The following ENTHD1 variants were observed in gnomAD, a reference collection of about 807,000 sequenced individuals.
ENTHD1 encodes ENTH domain-containing protein 1.
Under a neutral mutation model 39.1 loss-of-function variants are expected in ENTHD1, and 23 were observed. The ratio of observed to expected loss-of-function variants is 0.59; its 90% CI spans 0.42 to 0.83. The LOEUF (loss-of-function observed/expected upper bound fraction) is 0.83, where lower values mean the gene tolerates loss of function less well. Ranked by LOEUF, ENTHD1 falls within the 40% of genes least tolerant of loss-of-function variation. The pLI is 0.00. For missense variants in ENTHD1, 624 were observed against 705.4 expected (o/e 0.88, Z 1.31); for synonymous variants, 230 against 258.2 (o/e 0.89, Z 1.05).
intron 2 of ENTHD1, among the ~76,000 whole-genome samples, chr22:39,862,530 G>A (rs1448367160): frequency 2.8e-5 from 4 of 140,448 alleles, no homozygotes; most frequent in Non-Finnish European, 6.0e-5. Context: ...CTTGGCAAGA[G>A]AGCGAGACTC....
At chr22:39,884,847 T>C in intron 2 of ENTHD1, among the ~76,000 whole-genome samples, 1 of 152,150 alleles carries the variant, frequency 6.6e-6, no homozygotes, top group East Asian at 1.9e-4. Flanking sequence ...CACAAATTAA[T>C]TCAAAAAGGA....
intron 2 of ENTHD1, among the ~76,000 whole-genome samples, chr22:39,865,686 AAC>A (rs2066176681): frequency 6.6e-6 from 1 of 152,234 alleles, no homozygotes; most frequent in South Asian, 2.1e-4. Context: ...TATTACATAA[AAC>A]ACATCAAGAT....
intron 4 of ENTHD1, among the ~76,000 whole-genome samples, chr22:39,832,146 C>T (rs1395198626): frequency 3.3e-5 from 5 of 152,044 alleles, no homozygotes; most frequent in East Asian, 3.9e-4. Context: ...AGTAAGACCT[C>T]GTCTCTACAA....
chr22:39,775,306 A>G (rs945888374), intron 5 of ENTHD1, among the ~76,000 whole-genome samples: 17 of 152,190 alleles, frequency 1.1e-4, no homozygotes, highest in Admixed American at 7.2e-4. Flanking sequence ...TGTTTAACCC[A>G]TAGGCAACTA....
At chr22:39,872,453 AT>A (rs2066251774) in intron 2 of ENTHD1, among the ~76,000 whole-genome samples, 1 of 152,128 alleles carries the variant, frequency 6.6e-6, no homozygotes, top group South Asian at 2.1e-4. Flanking sequence ...CAAATACTTG[AT>A]GTTTTCTCTC....
chr22:39,821,622 T>G (rs536259686), intron 4 of ENTHD1, among the ~76,000 whole-genome samples: 1 of 152,346 alleles, frequency 6.6e-6, no homozygotes, highest in African/African-American at 2.4e-5. Flanking sequence ...CCTGTTTCAC[T>G]TTGAAGCAAA....
At chr22:39,851,158 G>A (rs1330395833) in intron 3 of ENTHD1, among the ~76,000 whole-genome samples, 6 of 152,100 alleles carry the variant, frequency 3.9e-5, no homozygotes, top group South Asian at 2.1e-4. Context: ...TGTCACTGTC[G>A]TCAGGCTTCT....
intron 4 of ENTHD1, among the ~76,000 whole-genome samples, chr22:39,831,653 C>T (rs1366368860): frequency 2.0e-5 from 3 of 151,826 alleles, no homozygotes; most frequent in African/African-American, 2.4e-5. Flanking sequence ...GGTGAAACCC[C>T]ATCTCTACTA....
chr22:39,861,779 C>A lies in ENTHD1; in HGVS notation c.578G>T (p.Arg193Met). The part of the protein sequence containing the change: ...EKKYKLPKFG[R>M]LHNKRNVCKA... Reference sequence around the variant, plus strand: ...ATTATACGTACTTTTATTATGTAACCTTCCAAACTTAGGAAGCTTATACTT... The same window carrying A: ...ATTATACGTACTTTTATTATGTAACATTCCAAACTTAGGAAGCTTATACTT... The change falls in exon 3 of 7, where the codon AGG (arginine) becomes ATG (methionine). Residue 193 changes from arginine (R) to methionine (M), a missense_variant. Coordinates refer to ENST00000325157, the MANE Select transcript of ENTHD1 (RefSeq NM_152512.4). 1 of 1,552,964 alleles carries A rather than the reference C, an allele frequency of 6.4e-7. No individual in the cohort carries two copies. Among genetic ancestry groups the A allele is most frequent in the African/African-American group, 1.3e-5 (1 of 74,366 alleles).
intron 2 of ENTHD1, among the ~76,000 whole-genome samples, chr22:39,866,972 G>A (rs1348645535): frequency 1.3e-5 from 2 of 151,564 alleles, no homozygotes; most frequent in Non-Finnish European, 2.9e-5. Context: ...GCACGATCTC[G>A]GCCCACCGCC....
At chr22:39,866,351 A>C (rs1303811213) in intron 2 of ENTHD1, among the ~76,000 whole-genome samples, 1 of 152,242 alleles carries the variant, frequency 6.6e-6, no homozygotes, top group Non-Finnish European at 1.5e-5. Flanking sequence ...TGGGGGTGCA[A>C]GTCAGAAAAA....
chr22:39,841,803 C>T (rs1409257971), intron 3 of ENTHD1, among the ~76,000 whole-genome samples: 2 of 152,144 alleles, frequency 1.3e-5, no homozygotes, highest in South Asian at 2.1e-4. Context: ...TTATTTTGCT[C>T]GTTAGTTGAT....
chr22:39,799,250 G>T (rs986883159), intron 5 of ENTHD1, among the ~76,000 whole-genome samples: 2 of 152,176 alleles, frequency 1.3e-5, no homozygotes, highest in Admixed American at 6.5e-5. Context: ...GGAGGGGAGG[G>T]TGTGCTCACA....
At chr22:39,794,165 G>A (rs1014720922) in intron 5 of ENTHD1, among the ~76,000 whole-genome samples, 1 of 152,016 alleles carries the variant, frequency 6.6e-6, no homozygotes, top group Non-Finnish European at 1.5e-5. Flanking sequence ...TCCTTGTAGA[G>A]GTTTTTCACC....
chr22:39,766,019 C>CAAAAAAAAAAAAAAAAAAAAAAAA (rs11367784), intron 5 of ENTHD1, among the ~76,000 whole-genome samples: 45 of 48,356 alleles, frequency 9.3e-4, no homozygotes, highest in East Asian at 1.5e-3. Flanking sequence ...CCCTCAGCTA[C>CAAAAAAAAAAAAAAAAAAAAAAAA]AAAAAAAAAA....
Position 39,805,839 on chromosome 22 carries a change from C to T in ENTHD1, c.832+15154G>A, listed in dbSNP as rs1452035978. ...TTTTTGAATTACAGACATATAGCTA[C>T]TCCTTTGGGCACACTTGAGGTCATG... On this transcript the variant is annotated intron_variant, in intron 5 of 6. Coordinates refer to ENST00000325157, the MANE Select transcript of ENTHD1 (RefSeq NM_152512.4). Among the ~76,000 whole-genome samples, 2 of 152,054 alleles carry T rather than the reference C, an allele frequency of 1.3e-5. 1 individual carries two copies. The highest frequency in any genetic ancestry group is 2.9e-5 in the Non-Finnish European group (2 of 68,010).
At chr22:39,857,742 A>G (rs2146717746) in intron 3 of ENTHD1, among the ~76,000 whole-genome samples, 1 of 152,322 alleles carries the variant, frequency 6.6e-6, no homozygotes, top group South Asian at 2.1e-4. Flanking sequence ...TTTGTTTCCC[A>G]GTGCATATAA....
chr22:39,752,982 T>TTG (rs1296655628), intron 6 of ENTHD1, among the ~76,000 whole-genome samples: 8 of 152,162 alleles, frequency 5.3e-5, no homozygotes, highest in Admixed American at 2.0e-4. Context: ...TTAATGGGTC[T>TTG]TGTGTGTGTG....
At chr22:39,770,640 A>C (rs767563031) in intron 5 of ENTHD1, among the ~76,000 whole-genome samples, 7 of 152,202 alleles carry the variant, frequency 4.6e-5, no homozygotes, top group Non-Finnish European at 8.8e-5. Context: ...CTAATAATAT[A>C]AGTTACCAGT....
Sources: allele counts gnomAD v4.1 joint callset (sites outside exome capture counted in the v4.1 genomes callset), GRCh38; gene constraint gnomAD v4.1.1; transcripts MANE v1.5; gene names NCBI Gene and HGNC (gene_info 2026-07-23, HGNC 2026-07-21).